The following SEC11A variants were observed in gnomAD, a reference collection of about 807,000 sequenced individuals.
The protein encoded by SEC11A is SEC11 homolog A, signal peptidase complex subunit.
Under a neutral mutation model 25.6 loss-of-function variants are expected in SEC11A, and 14 were observed. The ratio of observed to expected loss-of-function variants is 0.55; its 90% confidence interval spans 0.36 to 0.85. The LOEUF is 0.85. Among genes scored for constraint, SEC11A ranks in the 40% least tolerant of loss-of-function variants. The pLI, the probability that SEC11A is intolerant of heterozygous loss-of-function variation, is 0.01. For synonymous variants in SEC11A, 83 were observed against 76.4 expected (o/e 1.09, Z -0.45); for missense variants, 153 against 222.9 (o/e 0.69, Z 2.00).
chr15:84,716,129 G>A lies in SEC11A; in HGVS notation c.-54C>T, dbSNP rs1898462649. ...GGGGAAAGGGCGCGATGACCAGCGGGCGGAACTACTGGAGCTCGGGTCGGG... is the reference window on the plus strand; with the variant it reads ...GGGGAAAGGGCGCGATGACCAGCGGACGGAACTACTGGAGCTCGGGTCGGG... On this transcript the variant is annotated 5_prime_UTR_variant, in exon 1 of 6. Coordinates refer to ENST00000268220, the MANE Select transcript of SEC11A (RefSeq NM_014300.4). The A allele has an allele frequency of 6.4e-7, 1 of 1,559,640 alleles. No homozygotes were observed. Among genetic ancestry groups the A allele is most frequent in the Non-Finnish European group, 8.8e-7 (1 of 1,132,862 alleles).
chr15:84,690,541 C>A (rs183745308), intron 2 of SEC11A, among the ~76,000 whole-genome samples: 1 of 151,970 alleles, frequency 6.6e-6, no homozygotes, highest in Non-Finnish European at 1.5e-5. Context: ...CCCTTGAGAC[C>A]GGTAGGTGGA....
At chr15:84,692,085 A>C (rs1897628201) in intron 1 of SEC11A, 1 of 145,924 alleles carries the variant, frequency 6.9e-6, no homozygotes, top group Non-Finnish European at 1.5e-5. Context: ...GCTGGAGTAC[A>C]GTGGTGCCAT....
At chr15:84,680,376 A>G (rs899048702) in intron 4 of SEC11A, among the ~76,000 whole-genome samples, 7 of 152,192 alleles carry the variant, frequency 4.6e-5, no homozygotes, top group Non-Finnish European at 8.8e-5. Context: ...CCCAGAGGCT[A>G]GCATAGTGTG....
chr15:84,701,780 T>C (rs903729609), intron 1 of SEC11A, among the ~76,000 whole-genome samples: 1 of 151,786 alleles, frequency 6.6e-6, no homozygotes, highest in African/African-American at 2.4e-5. Context: ...TCATACAAAG[T>C]AGATTTTGGC....
At chr15:84,683,599 C>G (rs1219108058) in intron 3 of SEC11A, among the ~76,000 whole-genome samples, 1 of 152,030 alleles carries the variant, frequency 6.6e-6, no homozygotes, top group African/African-American at 2.4e-5. Flanking sequence ...ACTTGTCACC[C>G]AGGCTGGAGT....
Position 84,675,989 on chromosome 15 carries a change from G to A in SEC11A, c.431+4724C>T, listed in dbSNP as rs187326995. Among the ~76,000 whole-genome samples the A allele has an allele frequency of 3.3e-5, 5 of 152,304 alleles. No individual in the cohort carries two copies. The East Asian group carries it at 9.6e-4, about 29-fold the overall frequency. On this transcript the variant is annotated intron_variant, in intron 4 of 5. Transcript: ENST00000268220. The stretch of plus-strand genomic sequence containing the variant: ...GAAAGCAGATTAGTGGCTGTCCGAG[G>A]CTACAGGAAGTAGAGGATGGGGAGT...
intron 2 of SEC11A, among the ~76,000 whole-genome samples, chr15:84,689,899 C>T (rs993262212): frequency 1.3e-5 from 2 of 152,288 alleles, no homozygotes; most frequent in African/African-American, 4.8e-5. Flanking sequence ...TGAGCCACCA[C>T]ACCCAGCCTA....
intron 1 of SEC11A, among the ~76,000 whole-genome samples, chr15:84,708,205 CAAAAAAAAAAAAA>C (rs71132699): frequency 2.8e-5 from 1 of 35,404 alleles, no homozygotes; most frequent in Non-Finnish European, 5.1e-5. Flanking sequence ...GGCTCTGTCT[CAAAAAAAAAAAAA>C]AAAAAAAAAA....
intron 1 of SEC11A, among the ~76,000 whole-genome samples, chr15:84,699,074 C>T (rs1355613343): frequency 7.2e-5 from 11 of 151,912 alleles, no homozygotes; most frequent in Admixed American, 5.3e-4. Flanking sequence ...CAGCACTTTG[C>T]GAGGCCAAGG....
intron 1 of SEC11A, among the ~76,000 whole-genome samples, chr15:84,697,575 T>C (rs567744475): frequency 1.3e-5 from 2 of 152,326 alleles, no homozygotes; most frequent in Admixed American, 6.5e-5. Flanking sequence ...AAAACAAACA[T>C]TGTATCTGAG....
intron 1 of SEC11A, among the ~76,000 whole-genome samples, chr15:84,715,483 G>T (rs1439999776): frequency 1.3e-5 from 2 of 152,198 alleles, no homozygotes; most frequent in Non-Finnish European, 2.9e-5. Context: ...GGCAAGTAGT[G>T]TAACTGTTCC....
intron 1 of SEC11A, among the ~76,000 whole-genome samples, chr15:84,699,011 A>T (rs1028043716): frequency 1.3e-5 from 2 of 152,176 alleles, no homozygotes; most frequent in Non-Finnish European, 2.9e-5. Context: ...AACATAGGTG[A>T]ATTTCCAAAA....
chr15:84,713,056 T>C (rs1348732254), intron 1 of SEC11A, among the ~76,000 whole-genome samples: 1 of 151,890 alleles, frequency 6.6e-6, no homozygotes, highest in African/African-American at 2.4e-5. Flanking sequence ...TAGCCGGGTG[T>C]GGTGGCGGGT....
chr15:84,684,918 G>A (rs957456604), intron 3 of SEC11A, among the ~76,000 whole-genome samples: 3 of 152,054 alleles, frequency 2.0e-5, no homozygotes, highest in Admixed American at 1.3e-4. Flanking sequence ...GCGAAAGAGC[G>A]AGACTCCGTC....
At chr15:84,695,753 C>T (rs1294351101) in intron 1 of SEC11A, among the ~76,000 whole-genome samples, 3 of 152,204 alleles carry the variant, frequency 2.0e-5, no homozygotes, top group Admixed American at 6.5e-5. Flanking sequence ...ATATTCTTCA[C>T]ACTTGATCTT....
At chr15:84,704,801 G>A (rs1898046822) in intron 1 of SEC11A, among the ~76,000 whole-genome samples, 1 of 152,138 alleles carries the variant, frequency 6.6e-6, no homozygotes, top group African/African-American at 2.4e-5. Flanking sequence ...CTCACCAAAA[G>A]GTCTGAATCT....
At chr15:84,670,166 T>G in intron 5 of SEC11A, 97 bp from the exon 6 acceptor site, 2 of 1,069,404 alleles carry the variant, frequency 1.9e-6, no homozygotes, top group Non-Finnish European at 2.7e-6. Context: ...AATATATCGC[T>G]AAACTACCCA....
chr15:84,699,449 GT>G, intron 1 of SEC11A, among the ~76,000 whole-genome samples: 1 of 152,206 alleles, frequency 6.6e-6, no homozygotes, highest in East Asian at 1.9e-4. Context: ...TGAAACAAGG[GT>G]TTTCGGACAT....
At chr15:84,670,475 G>T (rs984423166) in intron 5 of SEC11A, 2 of 291,500 alleles carry the variant, frequency 6.9e-6, no homozygotes, top group African/African-American at 4.5e-5. Context: ...CTGACCTCAG[G>T]TGATCTGCCT....
Sources: allele counts gnomAD v4.1 joint callset (sites outside exome capture counted in the v4.1 genomes callset), GRCh38; gene constraint gnomAD v4.1.1; transcripts MANE v1.5; gene names NCBI Gene and HGNC (gene_info 2026-07-23, HGNC 2026-07-21).